KLHL7: variants seen among roughly 807,000 people sequenced by gnomAD.
KLHL7 encodes kelch-like protein 7.
In KLHL7, 44 loss-of-function variants were observed where a neutral mutation model predicts 67.4. That is an observed-to-expected ratio of 0.65 (90% CI 0.51 to 0.84). The LOEUF is 0.84. Ranked by LOEUF, KLHL7 falls within the 40% of genes least tolerant of loss-of-function variation. The pLI is 0.00. For synonymous variants in KLHL7, 252 were observed against 243.3 expected (o/e 1.04, Z -0.33); for missense variants, 362 against 718.1 (o/e 0.50, Z 5.67).
chr7:23,112,379 G>C (rs1048485467), intron 1 of KLHL7, among the ~76,000 whole-genome samples: 1 of 152,204 alleles, frequency 6.6e-6, no homozygotes, highest in African/African-American at 2.4e-5. Context: ...TGACAGGTCT[G>C]GAAAGTTGTG....
chr7:23,120,168 C>T (rs1288682865), intron 1 of KLHL7, among the ~76,000 whole-genome samples: 1 of 152,110 alleles, frequency 6.6e-6, no homozygotes, highest in East Asian at 1.9e-4. Flanking sequence ...TGCCACCACA[C>T]CTGGCTATGT....
At chr7:23,106,313 G>T in intron 1 of KLHL7, 167 bp downstream of exon 1, 1 of 1,478,400 alleles carries the variant, frequency 6.8e-7, no homozygotes, top group East Asian at 2.5e-5. Context: ...GTAGAGGGGC[G>T]CGTAAAACAA....
rs1784557823 is a variant in KLHL7, at chr7:23,152,208, AGGTAACTAATTTTTATTCTT to A, written c.936+3_936+22del. On this transcript the variant is annotated splice_donor_variant and splice_donor_5th_base_variant and coding_sequence_variant and intron_variant, in exon 7 of 11. Transcript: ENST00000339077. LOFTEE classifies it high-confidence loss of function. ...CAGTCTTGTAGATATTTTAACCCAA[AGGTAACTAATTTTTATTCTT>A]GGTTTTTGTTGTTGTCTTTGAAATC... 1.2e-6 allele frequency: 2 copies of A among 1,613,650 alleles called. No individual in the cohort carries two copies. The highest frequency in any genetic ancestry group is 2.2e-5 in the South Asian group (2 of 91,084).
At chr7:23,135,046 T>A (rs991298102) in intron 4 of KLHL7, among the ~76,000 whole-genome samples, 1 of 152,216 alleles carries the variant, frequency 6.6e-6, no homozygotes, top group Non-Finnish European at 1.5e-5. Flanking sequence ...TTAAGATTTT[T>A]CCTCTCTTGA....
intron 6 of KLHL7, among the ~76,000 whole-genome samples, chr7:23,151,546 G>A (rs555237842): frequency 1.3e-5 from 2 of 152,304 alleles, no homozygotes; most frequent in South Asian, 2.1e-4. Context: ...CTGGGATTCA[G>A]CATTTCTAAC....
intron 4 of KLHL7, 190 bp downstream of exon 4, chr7:23,125,362 T>TTTCTAAAC: frequency 1.7e-6 from 1 of 592,752 alleles, no homozygotes; most frequent in Admixed American, 3.2e-5. Context: ...GCAGCAAGCT[T>TTTCTAAAC]ATTAAATATT....
intron 1 of KLHL7, among the ~76,000 whole-genome samples, chr7:23,112,346 A>C (rs981767846): frequency 2.0e-5 from 3 of 152,218 alleles, no homozygotes; most frequent in African/African-American, 7.2e-5. Flanking sequence ...TATCATTGTG[A>C]CACTGAAGTA....
chr7:23,145,531 G>A (rs1378907259), intron 6 of KLHL7, among the ~76,000 whole-genome samples: 2 of 152,100 alleles, frequency 1.3e-5, no homozygotes, highest in Non-Finnish European at 2.9e-5. Flanking sequence ...TGATAGATAA[G>A]GCTGTATGTA....
chr7:23,165,948 T>G lies in KLHL7; in HGVS notation c.1177+10T>G, dbSNP rs1362664995. 1 of 1,613,694 alleles carries G rather than the reference T, an allele frequency of 6.2e-7. No individual in the cohort carries two copies. Among genetic ancestry groups the G allele is most frequent in the Admixed American group, 1.7e-5 (1 of 60,010 alleles). Reference sequence around the variant, plus strand: ...GGAGGTTCAGAAGTAGGTAAGGACTTCTTAAGTATTTTGGTTTGGGGCATA... The same window carrying G: ...GGAGGTTCAGAAGTAGGTAAGGACTGCTTAAGTATTTTGGTTTGGGGCATA... On this transcript the variant is annotated intron_variant, in intron 8 of 10. Coordinates refer to ENST00000339077, the MANE Select transcript of KLHL7 (RefSeq NM_001031710.3).
At chr7:23,119,755 T>C (rs1783253201) in intron 1 of KLHL7, among the ~76,000 whole-genome samples, 1 of 152,182 alleles carries the variant, frequency 6.6e-6, no homozygotes, top group African/African-American at 2.4e-5. Context: ...TATTTAATTA[T>C]TTTGTTGCTT....
At chr7:23,114,885 C>A (rs1783022446) in intron 1 of KLHL7, among the ~76,000 whole-genome samples, 1 of 152,174 alleles carries the variant, frequency 6.6e-6, no homozygotes, top group South Asian at 2.1e-4. Context: ...CCATATAATT[C>A]TGTATTAGCA....
chr7:23,137,816 C>T (rs770772222), intron 4 of KLHL7, among the ~76,000 whole-genome samples: 5 of 128,910 alleles, frequency 3.9e-5, no homozygotes, highest in Non-Finnish European at 4.7e-5. Context: ...GGGCTGGGCA[C>T]GGTGACTCCT....
Position 23,140,818 on chromosome 7 carries a change from T to G in KLHL7, c.492T>G (p.Thr164=). The change falls in exon 5 of 11, where the codon ACT becomes ACG. Residue 164 remains threonine, a synonymous_variant. Transcript: ENST00000339077. ...TAGATTGTCCTGAATTGAAAGCAAC[T>G]GCAGATGACTTTATTCATCAGCACT... ...ECLDCPELKA[T]ADDFIHQHFT... is the part of the protein sequence containing the mutation. 1 of 1,613,986 alleles carries G rather than the reference T, an allele frequency of 6.2e-7. No homozygotes were observed. The highest frequency in any genetic ancestry group is 8.5e-7 in the Non-Finnish European group (1 of 1,179,910).
At chr7:23,126,048 A>G in intron 4 of KLHL7, 3 of 674,756 alleles carry the variant, frequency 4.4e-6, no homozygotes, top group Non-Finnish European at 5.4e-6. Flanking sequence ...AACTTTAACA[A>G]TATGCTAGCA....
chr7:23,121,398 T>TA (rs1783331577), intron 1 of KLHL7, among the ~76,000 whole-genome samples: 1 of 151,894 alleles, frequency 6.6e-6, no homozygotes, highest in African/African-American at 2.4e-5. Context: ...GTGATCCTCT[T>TA]ACCTCAGCAC....
At chr7:23,153,163 G>T (rs1436381817) in intron 7 of KLHL7, among the ~76,000 whole-genome samples, 5 of 152,126 alleles carry the variant, frequency 3.3e-5, no homozygotes, top group African/African-American at 7.2e-5. Flanking sequence ...GAACTGCTTG[G>T]AATTCTGTCA....
At chr7:23,136,860 A>G (rs1040230827) in intron 4 of KLHL7, among the ~76,000 whole-genome samples, 1 of 152,270 alleles carries the variant, frequency 6.6e-6, no homozygotes, top group Non-Finnish European at 1.5e-5. Flanking sequence ...AGTATTTCTT[A>G]GAAGGAAATT....
At chr7:23,108,740 G>A (rs146134464) in intron 1 of KLHL7, among the ~76,000 whole-genome samples, 10 of 152,218 alleles carry the variant, frequency 6.6e-5, no homozygotes, top group East Asian at 5.8e-4. Context: ...GCAGCACATC[G>A]GCAAAAAGTG....
intron 1 of KLHL7, among the ~76,000 whole-genome samples, chr7:23,115,733 C>T (rs1783059571): frequency 2.0e-5 from 3 of 151,946 alleles, no homozygotes; most frequent in East Asian, 1.9e-4. Context: ...TTAGTAGAGA[C>T]GGGGTTTTAC....
Sources: gnomAD v4.1 joint callset for allele counts (sites outside exome capture counted in the v4.1 genomes callset) on GRCh38, gnomAD v4.1.1 for gene constraint, MANE v1.5 for transcripts, NCBI Gene and HGNC (gene_info 2026-07-23, HGNC 2026-07-21) for gene names.